FRMD4A: variants seen among roughly 807,000 people sequenced by gnomAD.
FRMD4A encodes FERM domain containing 4A.
Under a neutral mutation model 129.1 loss-of-function variants are expected in FRMD4A, and 29 were observed. The ratio of observed to expected loss-of-function variants is 0.22; its 90% CI spans 0.17 to 0.31. FRMD4A has a LOEUF of 0.31. Among genes scored for constraint, FRMD4A ranks in the 10% least tolerant of loss-of-function variants. FRMD4A has a pLI of 1.00. For synonymous variants in FRMD4A, 634 were observed against 571.6 expected (o/e 1.11, Z -1.56); for missense variants, 1,272 against 1,375.8 (o/e 0.92, Z 1.19).
chr10:14,181,503 C>G (rs1418273956), intron 2 of FRMD4A, among the ~76,000 whole-genome samples: 1 of 152,148 alleles, frequency 6.6e-6, no homozygotes, highest in Non-Finnish European at 1.5e-5. Context: ...GATGTTCCTG[C>G]AAAGTTAGCA....
At position 14,128,067 on chromosome 10, in the gene FRMD4A, T is replaced by C. The variant is rs1427360688; in HGVS notation, c.45+201991A>G. Reference sequence around the variant, plus strand: ...TTCCCTCTTTCTTTCTTTCTTTCTTTCTTTCTTTCTTTCTTTCTTTCTTTC... The same window carrying C: ...TTCCCTCTTTCTTTCTTTCTTTCTTCCTTTCTTTCTTTCTTTCTTTCTTTC... On this transcript the variant is annotated intron_variant, in intron 2 of 24. Coordinates refer to ENST00000357447, the MANE Select transcript of FRMD4A (RefSeq NM_018027.5). Among the ~76,000 whole-genome samples the C allele has an allele frequency of 7.9e-3, 711 of 90,552 alleles. 33 individuals are homozygous for C. Among genetic ancestry groups the C allele is most frequent in the African/African-American group, 0.028 (620 of 22,278 alleles). The allele number at this position is 90,552 out of a possible 152,430, so 59.4% of individuals were successfully genotyped here. A position where few individuals can be genotyped will look rare whatever the true frequency, so the allele number is the denominator to read the frequency against.
chr10:13,687,815 G>A (rs1040848211), intron 15 of FRMD4A, among the ~76,000 whole-genome samples: 8 of 152,188 alleles, frequency 5.3e-5, no homozygotes, highest in Non-Finnish European at 1.2e-4. Context: ...AATGGATTCA[G>A]GACGCGGGTT....
Position 13,673,339 on chromosome 10 carries a change from T to C in FRMD4A, c.1251+1572A>G, listed in dbSNP as rs561253080. ...CAATCCAGACCATAATTAAGCCAAG[T>C]TGAAATGTAATGTGATCTCACTCCA... is the stretch of plus-strand genomic sequence containing the variant. On this transcript the variant is annotated intron_variant, in intron 16 of 24. Transcript: ENST00000357447. Among the ~76,000 whole-genome samples, 18 of 152,310 alleles carry C rather than the reference T, an allele frequency of 1.2e-4. 1 individual carries two copies. The highest frequency in any genetic ancestry group is 1.0e-3 in the Admixed American group (16 of 15,304).
At chr10:14,276,010 T>C (rs1019012045) in intron 2 of FRMD4A, among the ~76,000 whole-genome samples, 1 of 152,078 alleles carries the variant, frequency 6.6e-6, no homozygotes, top group Non-Finnish European at 1.5e-5. Flanking sequence ...TGCTCTCCAG[T>C]CTGGACAACA....
chr10:14,025,511 C>T (rs1012280077), intron 2 of FRMD4A, among the ~76,000 whole-genome samples: 6 of 152,178 alleles, frequency 3.9e-5, no homozygotes, highest in Non-Finnish European at 7.3e-5. Context: ...CTGTGGATAA[C>T]AGCTAGTGTT....
chr10:14,155,453 G>A (rs952289529), intron 2 of FRMD4A, among the ~76,000 whole-genome samples: 1 of 152,174 alleles, frequency 6.6e-6, no homozygotes, highest in Non-Finnish European at 1.5e-5. Context: ...GGCCTCAAAA[G>A]AAAGGAATTA....
intron 2 of FRMD4A, among the ~76,000 whole-genome samples, chr10:14,294,407 C>T (rs1447762749): frequency 6.6e-6 from 1 of 152,152 alleles, no homozygotes; most frequent in Non-Finnish European, 1.5e-5. Context: ...GTTCACAAGG[C>T]TTGACATAGA....
At chr10:13,809,342 G>T (rs2093408182) in intron 4 of FRMD4A, among the ~76,000 whole-genome samples, 1 of 152,192 alleles carries the variant, frequency 6.6e-6, no homozygotes, top group African/African-American at 2.4e-5. Context: ...GTAAACTTAC[G>T]TGGGAAATGT....
At chr10:14,235,077 G>A (rs994391025) in intron 2 of FRMD4A, among the ~76,000 whole-genome samples, 1 of 152,054 alleles carries the variant, frequency 6.6e-6, no homozygotes, top group Non-Finnish European at 1.5e-5. Flanking sequence ...TTCACCTGTA[G>A]TTGTTTGGGC....
intron 2 of FRMD4A, among the ~76,000 whole-genome samples, chr10:14,148,307 T>A (rs1840177012): frequency 6.6e-6 from 1 of 152,222 alleles, no homozygotes; most frequent in African/African-American, 2.4e-5. Flanking sequence ...TGTTTTAATC[T>A]TTTTTATAGA....
intron 2 of FRMD4A, among the ~76,000 whole-genome samples, chr10:13,948,803 C>T (rs2095351715): frequency 6.6e-6 from 1 of 151,662 alleles, no homozygotes; most frequent in Admixed American, 6.6e-5. Flanking sequence ...AGGTGCGCAC[C>T]ATCATACCCA....
intron 23 of FRMD4A, 183 bp downstream of exon 23, chr10:13,654,231 GCA>G: frequency 1.6e-6 from 1 of 618,824 alleles, no homozygotes; most frequent in South Asian, 1.9e-5. Context: ...CTCTATAAAG[GCA>G]CAGCCAGGAA....
At chr10:14,310,070 C>T (rs1757200056) in intron 2 of FRMD4A, among the ~76,000 whole-genome samples, 1 of 152,172 alleles carries the variant, frequency 6.6e-6, no homozygotes, top group South Asian at 2.1e-4. Flanking sequence ...TGAGTTGAAC[C>T]CCAATGCATC....
At chr10:14,083,786 A>G (rs1836076115) in intron 2 of FRMD4A, 1 of 152,216 alleles carries the variant, frequency 6.6e-6, no homozygotes, top group Non-Finnish European at 1.5e-5. Flanking sequence ...ACAGAAATAA[A>G]ACAGAAAATC....
intron 2 of FRMD4A, among the ~76,000 whole-genome samples, chr10:14,112,215 G>A (rs1387261601): frequency 1.3e-5 from 2 of 152,078 alleles, no homozygotes; most frequent in Non-Finnish European, 2.9e-5. Context: ...CAGCTGGGGA[G>A]GGCCCAGAGC....
At chr10:14,061,136 A>C (rs145340639) in intron 2 of FRMD4A, among the ~76,000 whole-genome samples, 1 of 152,272 alleles carries the variant, frequency 6.6e-6, no homozygotes, top group South Asian at 2.1e-4. Flanking sequence ...CATTCTGGCT[A>C]TAAATATGCA....
intron 2 of FRMD4A, among the ~76,000 whole-genome samples, chr10:14,182,807 A>G (rs1284515909): frequency 6.6e-6 from 1 of 152,234 alleles, no homozygotes; most frequent in East Asian, 1.9e-4. Flanking sequence ...AGAGGTAACA[A>G]TCACAGAAAC....
At chr10:14,066,494 G>A (rs1160813589) in intron 2 of FRMD4A, among the ~76,000 whole-genome samples, 1 of 152,144 alleles carries the variant, frequency 6.6e-6, no homozygotes, top group Non-Finnish European at 1.5e-5. Context: ...GGAAGATAAA[G>A]AGTGTGAAGT....
intron 2 of FRMD4A, among the ~76,000 whole-genome samples, chr10:14,206,875 A>C (rs1354212270): frequency 1.3e-5 from 2 of 151,674 alleles, no homozygotes; most frequent in African/African-American, 4.8e-5. Flanking sequence ...TAAAGGTGAG[A>C]TCCACAGGCT....
Sources: gnomAD v4.1 joint callset for allele counts (sites outside exome capture counted in the v4.1 genomes callset) on GRCh38, gnomAD v4.1.1 for gene constraint, MANE v1.5 for transcripts, NCBI Gene and HGNC (gene_info 2026-07-23, HGNC 2026-07-21) for gene names.